RAB5A: variants seen among roughly 807,000 people sequenced by gnomAD.
The protein encoded by RAB5A is ras-related protein Rab-5A.
A neutral mutation model predicts 25.7 loss-of-function variants in RAB5A; 8 were observed. That is an observed-to-expected ratio of 0.31 (90% confidence interval 0.18 to 0.56). The LOEUF is 0.56. Ranked by LOEUF, RAB5A falls within the 20% of genes least tolerant of loss-of-function variation. The pLI, the probability that RAB5A is intolerant of heterozygous loss-of-function variation, is 0.91. For missense variants in RAB5A, 192 were observed against 259.7 expected (o/e 0.74, Z 1.79); for synonymous variants, 98 against 89.8 (o/e 1.09, Z -0.52).
chr3:19,973,746 T>G (rs1272014475), intron 2 of RAB5A, among the ~76,000 whole-genome samples: 1 of 152,184 alleles, frequency 6.6e-6, no homozygotes, highest in Non-Finnish European at 1.5e-5. Context: ...TACAGTATTG[T>G]TTGCAAAATT....
chr3:19,953,439 T>C (rs1696453669), intron 2 of RAB5A, among the ~76,000 whole-genome samples: 1 of 139,706 alleles, frequency 7.2e-6, no homozygotes, highest in East Asian at 2.0e-4. Flanking sequence ...GGAGACAAGG[T>C]CTCTGTCGCC....
chr3:19,972,008 T>G (rs1249550496), intron 2 of RAB5A, among the ~76,000 whole-genome samples: 1 of 152,156 alleles, frequency 6.6e-6, no homozygotes, highest in Non-Finnish European at 1.5e-5. Context: ...TAAATGTTGG[T>G]ACAGAGAGGA....
chr3:19,952,368 G>A (rs1042839249), intron 2 of RAB5A, among the ~76,000 whole-genome samples: 1 of 152,110 alleles, frequency 6.6e-6, no homozygotes, highest in Non-Finnish European at 1.5e-5. Context: ...TGTTTTCTAA[G>A]GTATTCATGT....
At chr3:19,976,224 T>G in intron 4 of RAB5A, 55 bp downstream of exon 4, 1 of 1,560,710 alleles carries the variant, frequency 6.4e-7, no homozygotes, top group Non-Finnish European at 8.7e-7. Flanking sequence ...ATGTTTTTCT[T>G]TCATGTCAAC....
chr3:19,969,040 T>G (rs989046041), intron 2 of RAB5A, among the ~76,000 whole-genome samples: 2 of 74,718 alleles, frequency 2.7e-5, no homozygotes, highest in Non-Finnish European at 4.8e-5. Flanking sequence ...GGTTTTTTTT[T>G]TTTGGTTTTT....
At chr3:19,948,171 A>C (rs977757014) in intron 1 of RAB5A, among the ~76,000 whole-genome samples, 1 of 152,172 alleles carries the variant, frequency 6.6e-6, no homozygotes, top group Admixed American at 6.5e-5. Flanking sequence ...AGACCATGGA[A>C]CTTGCTCTGG....
intron 2 of RAB5A, among the ~76,000 whole-genome samples, chr3:19,956,179 T>C (rs578183109): frequency 6.6e-6 from 1 of 152,048 alleles, no homozygotes; most frequent in Non-Finnish European, 1.5e-5. Flanking sequence ...TTAAGAAATT[T>C]AGTGTAGGCC....
rs764684048 is a variant in RAB5A at position 19,983,808 on chromosome 3, G to A, written c.633G>A (p.Gln211=). The A allele has an allele frequency of 6.2e-7, 1 of 1,603,156 alleles. No homozygotes were observed. Among genetic ancestry groups the A allele is most frequent in the Admixed American group, 1.7e-5 (1 of 59,954 alleles). ...LTEPTQPTRN[Q]CCSN is the part of the protein sequence containing the mutation. The stretch of plus-strand genomic sequence containing the variant: ...AACCCACACAACCAACCAGGAATCA[G>A]TGTTGTAGTAACTAAACCTCTAGTT... Residue 211 remains glutamine (Q), a synonymous_variant, in exon 6 of 6, where the codon CAG becomes CAA. Transcript: ENST00000273047.
intron 2 of RAB5A, 127 bp from the exon 3 acceptor site, chr3:19,975,474 C>T: frequency 1.2e-6 from 1 of 828,678 alleles, no homozygotes; most frequent in East Asian, 2.8e-5. Flanking sequence ...TTAACTGACA[C>T]ATAATAGTTG....
chr3:19,959,454 ATATATG>A, intron 2 of RAB5A, among the ~76,000 whole-genome samples: 1 of 151,724 alleles, frequency 6.6e-6, no homozygotes, highest in African/African-American at 2.4e-5. Context: ...TTATATATAT[ATATATG>A]TATGTATATA....
intron 2 of RAB5A, among the ~76,000 whole-genome samples, chr3:19,952,058 T>C (rs34050713): frequency 0.21 from 31,187 of 151,898 alleles, 3,870 homozygotes; most frequent in African/African-American, 0.34. Flanking sequence ...AATGGGAAAA[T>C]TGAATTTTAG....
chr3:19,959,787 T>C (rs1162451677), intron 2 of RAB5A, among the ~76,000 whole-genome samples: 1 of 151,914 alleles, frequency 6.6e-6, no homozygotes, highest in Admixed American at 6.6e-5. Flanking sequence ...CCACCATGCC[T>C]GGCTAATTTT....
intron 3 of RAB5A, 61 bp from the exon 4 acceptor site, chr3:19,975,986 C>T: frequency 1.9e-6 from 3 of 1,567,564 alleles, no homozygotes; most frequent in Non-Finnish European, 2.6e-6. Context: ...CCTTGTATCA[C>T]AAAGATGCTT....
chr3:19,951,701 G>GTTTTTT (rs61250458), intron 2 of RAB5A, among the ~76,000 whole-genome samples: 8 of 98,996 alleles, frequency 8.1e-5, no homozygotes, highest in African/African-American at 1.2e-4. Context: ...TGCCAGGCAA[G>GTTTTTT]TTTTTTTTTT....
At chr3:19,966,001 T>A (rs557545481) in intron 2 of RAB5A, among the ~76,000 whole-genome samples, 1 of 152,356 alleles carries the variant, frequency 6.6e-6, no homozygotes, top group African/African-American at 2.4e-5. Context: ...GTGCTGGGAC[T>A]GCAGGTGTGA....
chr3:19,967,774 C>T (rs189384097), intron 2 of RAB5A, among the ~76,000 whole-genome samples: 31 of 152,150 alleles, frequency 2.0e-4, no homozygotes, highest in African/African-American at 7.5e-4. Flanking sequence ...CCCTATTCTA[C>T]TTTTATTTCT....
At chr3:19,977,582 A>T (rs1696846083) in intron 4 of RAB5A, among the ~76,000 whole-genome samples, 1 of 152,182 alleles carries the variant, frequency 6.6e-6, no homozygotes, top group African/African-American at 2.4e-5. Context: ...ACGATGTGAG[A>T]TGTAGTATCC....
intron 1 of RAB5A, among the ~76,000 whole-genome samples, chr3:19,949,500 T>C (rs965526703): frequency 1.3e-5 from 2 of 152,154 alleles, no homozygotes; most frequent in Non-Finnish European, 2.9e-5. Context: ...CTCTGTCCAG[T>C]GTGAAAGACG....
At chr3:19,950,666 A>T in intron 1 of RAB5A, 140 bp from the exon 2 acceptor site, 1 of 385,234 alleles carries the variant, frequency 2.6e-6, no homozygotes, top group Non-Finnish European at 4.6e-6. Flanking sequence ...AATTTCCTTT[A>T]AAAGATAGTG....
Sources: gnomAD v4.1 joint callset for allele counts (sites outside exome capture counted in the v4.1 genomes callset) on GRCh38, gnomAD v4.1.1 for gene constraint, MANE v1.5 for transcripts, NCBI Gene and HGNC (gene_info 2026-07-23, HGNC 2026-07-21) for gene names.